The following FBXW11 variants were observed in gnomAD, a reference collection of about 807,000 sequenced individuals.
The protein encoded by FBXW11 is F-box/WD repeat-containing protein 11.
Under a neutral mutation model 77.6 loss-of-function variants are expected in FBXW11, and 19 were observed. The ratio of observed to expected loss-of-function variants is 0.24; its 90% CI spans 0.17 to 0.36. The LOEUF is 0.36. Among genes scored for constraint, FBXW11 ranks in the 10% least tolerant of loss-of-function variants. The pLI is 1.00. For synonymous variants in FBXW11, 235 were observed against 249.4 expected (o/e 0.94, Z 0.54); for missense variants, 334 against 704.2 (o/e 0.47, Z 5.95).
At chr5:171,874,441 T>C (rs1406233198) in intron 9 of FBXW11, among the ~76,000 whole-genome samples, 1 of 152,112 alleles carries the variant, frequency 6.6e-6, no homozygotes, top group East Asian at 1.9e-4. Flanking sequence ...TCAAACCCTC[T>C]CAACTTCCAG....
chr5:171,877,249 T>G (rs1758150155), intron 8 of FBXW11, among the ~76,000 whole-genome samples: 1 of 152,140 alleles, frequency 6.6e-6, no homozygotes, highest in African/African-American at 2.4e-5. Flanking sequence ...TAGTAGATTT[T>G]GTATTGAGTC....
intron 1 of FBXW11, among the ~76,000 whole-genome samples, chr5:171,996,667 A>G (rs1766070418): frequency 6.6e-6 from 1 of 152,210 alleles, no homozygotes; most frequent in Admixed American, 6.5e-5. Flanking sequence ...AGATAATAAT[A>G]ACTGCACTTC....
chr5:171,957,642 G>C lies in FBXW11; in HGVS notation c.102C>G (p.Cys34Trp). ...LGCANLVESM[C>W]ALSCLQSMPS... ...GCATGCTCTGCAGGCAACTCAGTGC[G>C]CACATGCTCTCTACCAGGTTGGCGC... is the stretch of plus-strand genomic sequence containing the variant. The change falls in exon 2 of 14, where the codon TGC becomes TGG. Residue 34 changes from cysteine to tryptophan, a missense_variant. Around this residue, in one of 10 missense-constraint regions of FBXW11, gnomAD observed 80 missense variants for 105.1 expected, o/e 0.76. Transcript: ENST00000517395. 2 of 1,614,184 alleles carry C rather than the reference G, an allele frequency of 1.2e-6. No homozygotes were observed. The highest frequency in any genetic ancestry group is 1.7e-6 in the Non-Finnish European group (2 of 1,180,014).
chr5:171,984,165 T>C (rs1313205373), intron 1 of FBXW11, among the ~76,000 whole-genome samples: 1 of 152,204 alleles, frequency 6.6e-6, no homozygotes, highest in East Asian at 1.9e-4. Flanking sequence ...AGAGAGTTCA[T>C]TGACTGGATG....
intron 1 of FBXW11, among the ~76,000 whole-genome samples, chr5:171,993,567 C>T (rs557816827): frequency 6.6e-6 from 1 of 151,962 alleles, no homozygotes; most frequent in Admixed American, 6.6e-5. Context: ...GAGCCACGAT[C>T]GCGCCACTGC....
intron 1 of FBXW11, chr5:171,996,861 A>C: frequency 8.1e-7 from 1 of 1,240,418 alleles, no homozygotes; most frequent in Non-Finnish European, 1.0e-6. Flanking sequence ...GAGTTCCACA[A>C]AACAAAACAA....
intron 7 of FBXW11, among the ~76,000 whole-genome samples, chr5:171,882,003 T>C (rs1758543025): frequency 1.3e-5 from 2 of 152,216 alleles, no homozygotes; most frequent in Non-Finnish European, 2.9e-5. Flanking sequence ...TTTACTCATC[T>C]TTTCAAAGAC....
chr5:171,955,091 C>T (rs1763539754), intron 2 of FBXW11, among the ~76,000 whole-genome samples: 1 of 152,208 alleles, frequency 6.6e-6, no homozygotes, highest in South Asian at 2.1e-4. Flanking sequence ...CACCATGTAA[C>T]AGTTGGTAAT....
intron 7 of FBXW11, among the ~76,000 whole-genome samples, chr5:171,886,635 C>A (rs1311441514): frequency 6.6e-6 from 1 of 151,008 alleles, no homozygotes; most frequent in Non-Finnish European, 1.5e-5. Context: ...AAAAGAAAAA[C>A]CACCAGTATT....
chr5:171,994,576 T>C (rs1157117323), intron 1 of FBXW11, among the ~76,000 whole-genome samples: 1 of 152,166 alleles, frequency 6.6e-6, no homozygotes, highest in Non-Finnish European at 1.5e-5. Flanking sequence ...TCCCAAGCAT[T>C]TTAGACAAGG....
chr5:171,897,983 T>C (rs1263655047), intron 6 of FBXW11, among the ~76,000 whole-genome samples: 1 of 152,198 alleles, frequency 6.6e-6, no homozygotes, highest in African/African-American at 2.4e-5. Context: ...TTATGATTTA[T>C]CTAGTGAAAG....
chr5:172,002,692 T>C (rs1157472324), intron 1 of FBXW11, among the ~76,000 whole-genome samples: 6 of 137,512 alleles, frequency 4.4e-5, no homozygotes, highest in African/African-American at 6.1e-5. Flanking sequence ...TTCTTTTTTC[T>C]TTTCTTTTTT....
At chr5:172,000,724 C>T (rs78853133) in intron 1 of FBXW11, among the ~76,000 whole-genome samples, 2,698 of 152,304 alleles carry the variant, frequency 0.018, 76 homozygotes, top group African/African-American at 0.063. Flanking sequence ...ATAATCCTCC[C>T]AACAACTCAG....
At chr5:171,874,119 T>G (rs1430605752) in intron 9 of FBXW11, among the ~76,000 whole-genome samples, 1 of 152,232 alleles carries the variant, frequency 6.6e-6, no homozygotes, top group Non-Finnish European at 1.5e-5. Flanking sequence ...ATCATGTATC[T>G]GATAAGGGAC....
chr5:171,896,342 C>G (rs1759744867), intron 6 of FBXW11, among the ~76,000 whole-genome samples: 1 of 152,216 alleles, frequency 6.6e-6, no homozygotes, highest in Non-Finnish European at 1.5e-5. Flanking sequence ...GGGACATAAA[C>G]AGCCACTTGA....
intron 1 of FBXW11, among the ~76,000 whole-genome samples, chr5:171,964,309 T>C (rs1581037503): frequency 1.3e-5 from 2 of 152,126 alleles, no homozygotes; most frequent in Non-Finnish European, 2.9e-5. Context: ...AGAAGAGAAA[T>C]AAAAGATCAA....
chr5:171,868,630 G>A lies in FBXW11; in HGVS notation c.*5C>T, dbSNP rs1561629135. The A allele has an allele frequency of 1.2e-6, 2 of 1,611,120 alleles. No individual in the cohort carries two copies. Among genetic ancestry groups the A allele is most frequent in the Non-Finnish European group, 1.7e-6 (2 of 1,179,062 alleles). The stretch of plus-strand genomic sequence containing the variant: ...CTCACCTGAAACGGGTGAAAGTGCA[G>A]ACTGTTATCTAGAGATGTAAGTGTA... On this transcript the variant is annotated 3_prime_UTR_variant, in exon 13 of 14. Coordinates refer to ENST00000517395, the MANE Select transcript of FBXW11 (RefSeq NM_001378974.1).
intron 2 of FBXW11, among the ~76,000 whole-genome samples, chr5:171,938,718 ATTGT>A (rs1458794509): frequency 6.6e-6 from 1 of 152,224 alleles, no homozygotes; most frequent in Non-Finnish European, 1.5e-5. Flanking sequence ...TTATTCAGTC[ATTGT>A]TTGTAATTTC....
In FBXW11 at chr5:171,935,172, C is replaced by T. The variant is rs936324549; in HGVS notation, c.148-20767G>A. On this transcript the variant is annotated intron_variant, in intron 2 of 13. Transcript: ENST00000517395. ...CGGGGTTTCACCGTGTTAGCCAGGA[C>T]GGTCTTGATCTCCTGACCTCGTGAT... Among the ~76,000 whole-genome samples the T allele has an allele frequency of 2.6e-5, 4 of 151,998 alleles. No individual in the cohort carries two copies. In the East Asian group the frequency reaches 5.8e-4, roughly 22 times the overall value.
Sources: allele counts gnomAD v4.1 joint callset (sites outside exome capture counted in the v4.1 genomes callset), GRCh38; gene constraint gnomAD v4.1.1; regional missense constraint gnomAD v4.1.1; transcripts MANE v1.5; gene names NCBI Gene and HGNC (gene_info 2026-07-23, HGNC 2026-07-21).